The following WDTC1 variants were observed in gnomAD, a reference collection of about 807,000 sequenced individuals.
WDTC1 encodes WD and tetratricopeptide repeats 1.
In WDTC1, 12 loss-of-function variants were observed where a neutral mutation model predicts 76.0. The observed-to-expected ratio is 0.16, with a 90% CI of 0.10 to 0.26. The LOEUF (loss-of-function observed/expected upper bound fraction) is 0.26, where lower values mean the gene tolerates loss of function less well. WDTC1 is among the 10% of genes least tolerant of loss of function. The pLI is 1.00. For synonymous variants in WDTC1, 326 were observed against 350.8 expected (o/e 0.93, Z 0.79); for missense variants, 511 against 908.8 (o/e 0.56, Z 5.63).
chr1:27,290,126 G>T (rs903351095), intron 6 of WDTC1, among the ~76,000 whole-genome samples: 6 of 152,130 alleles, frequency 3.9e-5, no homozygotes, highest in Non-Finnish European at 8.8e-5. Context: ...CTATTGCCGA[G>T]GTTGGAGTGC....
intron 5 of WDTC1, 146 bp downstream of exon 5, chr1:27,283,595 A>AT: frequency 1.5e-6 from 1 of 654,432 alleles, no homozygotes; most frequent in South Asian, 2.0e-5. Context: ...TCTGTTGGTG[A>AT]TTCCTGAAAC....
intron 3 of WDTC1, among the ~76,000 whole-genome samples, chr1:27,270,637 A>G (rs554173696): frequency 1.3e-5 from 2 of 152,330 alleles, no homozygotes; most frequent in East Asian, 1.9e-4. Context: ...TGGAGGTTGC[A>G]GTGAGCCAAG....
At chr1:27,264,631 T>C (rs892161234) in intron 3 of WDTC1, among the ~76,000 whole-genome samples, 1 of 138,714 alleles carries the variant, frequency 7.2e-6, no homozygotes, top group African/African-American at 2.7e-5. Flanking sequence ...TGTGGGTCTT[T>C]GTTTTGTTTT....
At chr1:27,279,915 G>A (rs909536649) in intron 3 of WDTC1, among the ~76,000 whole-genome samples, 12 of 152,072 alleles carry the variant, frequency 7.9e-5, no homozygotes, top group African/African-American at 2.7e-4. Flanking sequence ...GACATATTTG[G>A]ATTTTATTTC....
At position 27,301,123 on chromosome 1, in the gene WDTC1, CAGT is replaced by C. The variant is rs2013821846; in HGVS notation, c.1233-102_1233-100del. 1.0e-6 allele frequency: 1 copy of C among 964,258 alleles called. No homozygotes were observed. The highest frequency in any genetic ancestry group is 1.6e-6 in the Non-Finnish European group (1 of 632,282). The allele number at this position is 964,258 out of a possible 1,614,324, so 59.7% of individuals were successfully genotyped here. A position where few individuals can be genotyped will look rare whatever the true frequency, so the allele number is the denominator to read the frequency against. ...CAAGTCCCCTTGCCATGAGATCTGTCAGTGGTGGGCTGGGGTGGCCACAGGAAG... is the reference window on the plus strand; with the variant it reads ...CAAGTCCCCTTGCCATGAGATCTGTCGGTGGGCTGGGGTGGCCACAGGAAG... On this transcript the variant is annotated intron_variant, in intron 12 of 15. Coordinates refer to ENST00000319394, the MANE Select transcript of WDTC1 (RefSeq NM_001276252.2). The surrounding 1 kb of genome is among the most constrained non-coding windows in gnomAD (Gnocchi z 5.8).
At chr1:27,250,101 G>A (rs566954182) in intron 1 of WDTC1, among the ~76,000 whole-genome samples, 1 of 152,102 alleles carries the variant, frequency 6.6e-6, no homozygotes, top group Non-Finnish European at 1.5e-5. Context: ...AATATAACAG[G>A]GGTTACCAGG....
chr1:27,292,710 A>G (rs2013568753), intron 7 of WDTC1, among the ~76,000 whole-genome samples: 2 of 150,026 alleles, frequency 1.3e-5, no homozygotes, highest in African/African-American at 4.9e-5. Context: ...TACAAGCATG[A>G]GCCACTGTGC....
At chr1:27,300,709 G>C (rs868367028) in intron 12 of WDTC1, among the ~76,000 whole-genome samples, 7 of 152,128 alleles carry the variant, frequency 4.6e-5, no homozygotes, top group African/African-American at 1.7e-4. Flanking sequence ...GACAGGGGGG[G>C]GTCTGGCTGA....
At chr1:27,299,762 C>T (rs1024590496) in intron 12 of WDTC1, among the ~76,000 whole-genome samples, 15 of 152,032 alleles carry the variant, frequency 9.9e-5, no homozygotes, top group Admixed American at 9.2e-4. Context: ...GTGCCGAGGG[C>T]TGTCCTTTCA....
chr1:27,276,272 T>C (rs550757272), intron 3 of WDTC1, among the ~76,000 whole-genome samples: 1 of 152,364 alleles, frequency 6.6e-6, no homozygotes, highest in African/African-American at 2.4e-5. Flanking sequence ...ATATGGTAAC[T>C]CAGTGTTTAA....
intron 1 of WDTC1, among the ~76,000 whole-genome samples, chr1:27,240,362 C>T (rs886283892): frequency 1.3e-5 from 2 of 152,200 alleles, no homozygotes; most frequent in Admixed American, 6.5e-5. Flanking sequence ...ATGTCTCCTC[C>T]TTAGCTCTGT....
chr1:27,250,095 T>C (rs1212477814), intron 1 of WDTC1, among the ~76,000 whole-genome samples: 1 of 152,212 alleles, frequency 6.6e-6, no homozygotes, highest in Non-Finnish European at 1.5e-5. Flanking sequence ...TGAGCAAATA[T>C]AACAGGGGTT....
In WDTC1 at chr1:27,303,662, C is replaced by CGCA. The variant is rs1557511235; in HGVS notation, c.1514_1516dup (p.Ser505dup). The CGCA allele has an allele frequency of 2.5e-6, 4 of 1,610,734 alleles. No individual in the cohort carries two copies. The highest frequency in any genetic ancestry group is 2.5e-6 in the Non-Finnish European group (3 of 1,178,762). The stretch of plus-strand genomic sequence containing the variant: ...TGGTGGCGGCGCCCCAGTCCGCCTC[C>CGCA]GCAGCACGAGCCGCAAGGACTCCAT... On this transcript the variant is annotated inframe_insertion, in exon 14 of 16. Coordinates refer to ENST00000319394, the MANE Select transcript of WDTC1 (RefSeq NM_001276252.2). This position sits in a 1 kb window ranked among gnomAD's most constrained non-coding sequence, Gnocchi z 4.8.
chr1:27,283,085 C>G (rs996148845), intron 4 of WDTC1, among the ~76,000 whole-genome samples: 1 of 151,262 alleles, frequency 6.6e-6, no homozygotes, highest in Non-Finnish European at 1.5e-5. Flanking sequence ...TTGCAGTGAG[C>G]CGAGATCGCG....
chr1:27,252,647 A>C (rs1488363444), intron 1 of WDTC1, among the ~76,000 whole-genome samples: 1 of 151,882 alleles, frequency 6.6e-6, no homozygotes, highest in Non-Finnish European at 1.5e-5. Flanking sequence ...AAAATACAAA[A>C]ATTAGCCAGG....
chr1:27,272,620 A>G (rs2012903835), intron 3 of WDTC1, among the ~76,000 whole-genome samples: 1 of 152,210 alleles, frequency 6.6e-6, no homozygotes, highest in Non-Finnish European at 1.5e-5. Flanking sequence ...GGGAAAGACG[A>G]GGAAGAACTC....
chr1:27,267,787 A>G (rs530510059), intron 3 of WDTC1, among the ~76,000 whole-genome samples: 1 of 152,190 alleles, frequency 6.6e-6, no homozygotes, highest in South Asian at 2.1e-4. Context: ...ATTCATACAT[A>G]TTTCTAATTT....
intron 3 of WDTC1, among the ~76,000 whole-genome samples, chr1:27,264,824 A>G (rs964494425): frequency 6.6e-6 from 1 of 151,730 alleles, no homozygotes; most frequent in Non-Finnish European, 1.5e-5. Flanking sequence ...TTTTTTTGAA[A>G]CAGTGTCTTG....
intron 1 of WDTC1, among the ~76,000 whole-genome samples, chr1:27,238,297 G>A (rs1442290339): frequency 1.3e-5 from 2 of 152,014 alleles, no homozygotes; most frequent in Non-Finnish European, 2.9e-5. Context: ...AGATTGTCAT[G>A]GGGAAAGGAA....
Sources: allele counts gnomAD v4.1 joint callset (sites outside exome capture counted in the v4.1 genomes callset), GRCh38; gene constraint gnomAD v4.1.1; non-coding constraint Gnocchi (gnomAD v3.1); transcripts MANE v1.5; gene names NCBI Gene and HGNC (gene_info 2026-07-23, HGNC 2026-07-21).